Variants in CCDC179 observed in about 807,000 individuals in gnomAD.
CCDC179 encodes the protein coiled-coil domain containing 179.
Under a neutral mutation model 12.0 loss-of-function variants are expected in CCDC179, and 17 were observed. The observed-to-expected ratio is 1.42, with a 90% CI of 0.97 to 2.13. CCDC179 has a LOEUF of 2.13. CCDC179 is among the 30% of genes most tolerant of loss of function. CCDC179 has a pLI of 0.00. For missense variants in CCDC179, 83 were observed against 78.6 expected, an observed-to-expected ratio of 1.06 and a Z score of -0.21; for synonymous variants, 27 against 26.4, an observed-to-expected ratio of 1.02 and a Z score of -0.07.
At chr11:22,857,880 C>T in intron 3 of CCDC179, 42 bp downstream of exon 3, 1 of 957,988 alleles carries the variant, frequency 1.0e-6, no homozygotes, top group Non-Finnish European at 1.5e-6. Flanking sequence ...ATATCAGTTG[C>T]ATTTAATGAT....
At chr11:22,851,031 G>A (rs1858388741) in intron 3 of CCDC179, among the ~76,000 whole-genome samples, 1 of 116,240 alleles carries the variant, frequency 8.6e-6, no homozygotes, top group Admixed American at 1.1e-4. Flanking sequence ...TGTCACCCAG[G>A]CTGGAGTGCA....
At chr11:22,853,593 T>C (rs1322029513) in intron 3 of CCDC179, among the ~76,000 whole-genome samples, 1 of 150,362 alleles carries the variant, frequency 6.7e-6, no homozygotes, top group Non-Finnish European at 1.5e-5. Flanking sequence ...TATAAAAATA[T>C]AGAATACATT....
At chr11:22,853,348 ATATGC>A (rs1312220748) in intron 3 of CCDC179, among the ~76,000 whole-genome samples, 1 of 152,160 alleles carries the variant, frequency 6.6e-6, no homozygotes, top group Non-Finnish European at 1.5e-5. Context: ...ATTATGACAA[ATATGC>A]TAAGTTCTAA....
rs545203993 is a variant in CCDC179, at chr11:22,859,480, T to G, written c.62A>C (p.His21Pro). 6.7e-7 allele frequency: 1 copy of G among 1,503,126 alleles called. No individual in the cohort carries two copies. The highest frequency in any genetic ancestry group is 8.9e-7 in the Non-Finnish European group (1 of 1,128,480). 93.1% of individuals were successfully genotyped at this position (1,503,126 alleles called of 1,614,324 possible). ...CCGCTCAGTGACCTCTGAAGGATGA[T>G]GTTGTCTTGGTCCTTCCTATATAAT... The part of the protein sequence containing the change: ...SQVNPEGPRQ[H>P]HPSEVTERQL... Residue 21 changes from histidine to proline, a missense_variant, in exon 2 of 4, where the codon CAT becomes CCT. His to Pro is a moderately conservative substitution (Grantham distance 77, BLOSUM62 -2). Coordinates refer to ENST00000532798, the MANE Select transcript of CCDC179 (RefSeq NM_001195637.2).
intron 3 of CCDC179, among the ~76,000 whole-genome samples, chr11:22,850,037 G>C (rs1314777235): frequency 6.6e-6 from 1 of 152,156 alleles, no homozygotes. Context: ...TACATAGCAT[G>C]CAGGGAAGGC....
chr11:22,857,907 A>C lies in CCDC179; in HGVS notation c.195+15T>G. 3.9e-6 allele frequency: 5 copies of C among 1,290,214 alleles called. No individual in the cohort carries two copies. Among genetic ancestry groups the C allele is most frequent in the Non-Finnish European group, 5.2e-6 (5 of 960,902 alleles). 79.9% of individuals were successfully genotyped at this position (1,290,214 alleles called of 1,614,324 possible). A position where few individuals can be genotyped will look rare whatever the true frequency, so the allele number is the denominator to read the frequency against. On this transcript the variant is annotated intron_variant, in intron 3 of 3. Transcript: ENST00000532798. Reference sequence around the variant, plus strand: ...TTTAATGATCTGTTAATTTCAGTGAAACCTCTATACTTACTAGGAGTCCTG... The same window carrying C: ...TTTAATGATCTGTTAATTTCAGTGACACCTCTATACTTACTAGGAGTCCTG...
chr11:22,853,476 CATG>C (rs1279366210), intron 3 of CCDC179, among the ~76,000 whole-genome samples: 2 of 151,844 alleles, frequency 1.3e-5, no homozygotes, highest in African/African-American at 4.8e-5. Context: ...GGAAATGAAG[CATG>C]ACATTGATGG....
intron 3 of CCDC179, among the ~76,000 whole-genome samples, chr11:22,854,189 C>T (rs1427662695): frequency 6.6e-6 from 1 of 151,508 alleles, no homozygotes; most frequent in African/African-American, 2.4e-5. Context: ...CTTGCCCACA[C>T]AGCAATAGTT....
intron 3 of CCDC179, among the ~76,000 whole-genome samples, chr11:22,848,066 A>G (rs1439244691): frequency 6.6e-6 from 1 of 152,218 alleles, no homozygotes; most frequent in African/African-American, 2.4e-5. Context: ...ATTGGCAGAA[A>G]TTTAACCTTA....
At chr11:22,847,600 T>C in intron 3 of CCDC179, 79 bp from the exon 4 acceptor site, 1 of 694,356 alleles carries the variant, frequency 1.4e-6, no homozygotes, top group Non-Finnish European at 2.1e-6. Context: ...TACTATAAAT[T>C]ATTTGGAAAT....
intron 3 of CCDC179, among the ~76,000 whole-genome samples, chr11:22,848,947 G>A (rs576790035): frequency 2.6e-5 from 4 of 152,114 alleles, no homozygotes; most frequent in Admixed American, 1.3e-4. Context: ...AATCCACAAT[G>A]ATTTGAAAAT....
intron 3 of CCDC179, among the ~76,000 whole-genome samples, chr11:22,850,410 G>A (rs1858346148): frequency 6.6e-6 from 1 of 152,168 alleles, no homozygotes. Context: ...CATCCAGGTT[G>A]CTGCGAATGC....
intron 3 of CCDC179, 56 bp from the exon 4 acceptor site, chr11:22,847,577 G>A: frequency 1.1e-6 from 1 of 935,946 alleles, no homozygotes; most frequent in Non-Finnish European, 1.5e-6. Flanking sequence ...TTTATATAAG[G>A]AAAGATTAGA....
chr11:22,852,337 T>C (rs7927085), intron 3 of CCDC179, among the ~76,000 whole-genome samples: 59,036 of 151,972 alleles, frequency 0.39, 11,973 homozygotes, highest in East Asian at 0.64. Flanking sequence ...TTCCCCAAAA[T>C]TAAACCACCT....
rs913728627 is a variant in CCDC179, at chr11:22,860,442, C to T, written c.-21G>A. 1 of 1,532,058 alleles carries T rather than the reference C, an allele frequency of 6.5e-7. No individual in the cohort carries two copies. Among genetic ancestry groups the T allele is most frequent in the Non-Finnish European group, 8.7e-7 (1 of 1,144,928 alleles). The allele number at this position is 1,532,058 out of a possible 1,614,324, so 94.9% of individuals were successfully genotyped here. On this transcript the variant is annotated 5_prime_UTR_variant, in exon 1 of 4. Transcript: ENST00000532798. ...CACATGCCGTGGAGCCTTAGGGCGC[C>T]CCCTGACGCCTACTGCCTGTCCTGG... is the stretch of plus-strand genomic sequence containing the variant.
chr11:22,848,839 A>C (rs1048449519), intron 3 of CCDC179, among the ~76,000 whole-genome samples: 10 of 152,218 alleles, frequency 6.6e-5, no homozygotes, highest in African/African-American at 2.2e-4. Flanking sequence ...ACTTTGAGAC[A>C]AGATTAATAG....
At chr11:22,854,082 GGATTCT>G (rs1250354490) in intron 3 of CCDC179, among the ~76,000 whole-genome samples, 2 of 151,768 alleles carry the variant, frequency 1.3e-5, no homozygotes, top group African/African-American at 4.8e-5. Flanking sequence ...CAGAAACCTA[GGATTCT>G]GTATCATGTG....
chr11:22,858,138 C>T (rs1313572592), intron 2 of CCDC179, 112 bp from the exon 3 acceptor site: 2 of 574,794 alleles, frequency 3.5e-6, no homozygotes, highest in African/African-American at 1.9e-5. Context: ...ACCACCACTG[C>T]AAACGGTTCA....
chr11:22,850,127 C>T (rs775905154), intron 3 of CCDC179, among the ~76,000 whole-genome samples: 10 of 152,186 alleles, frequency 6.6e-5, no homozygotes, highest in Non-Finnish European at 1.2e-4. Context: ...TTACTATACA[C>T]GTGGCTGGCA....
Sources: allele counts gnomAD v4.1 joint callset (sites outside exome capture counted in the v4.1 genomes callset), GRCh38; gene constraint gnomAD v4.1.1; transcripts MANE v1.5; gene names NCBI Gene and HGNC (gene_info 2026-07-23, HGNC 2026-07-21).